CNTNAP4: variants seen among roughly 807,000 people sequenced by gnomAD.
The protein encoded by CNTNAP4 is contactin-associated protein-like 4.
CNTNAP4 carries 98 observed loss-of-function variants against 148.4 expected under a neutral mutation model. That is an observed-to-expected ratio of 0.66 (90% CI 0.56 to 0.78). The LOEUF (loss-of-function observed/expected upper bound fraction) is 0.78, where lower values mean the gene tolerates loss of function less well. Among genes scored for constraint, CNTNAP4 ranks in the 30% least tolerant of loss-of-function variants. CNTNAP4 has a pLI of 0.00. For synonymous variants in CNTNAP4, 730 were observed against 565.1 expected, an observed-to-expected ratio of 1.29 and a Z score of -4.14; for missense variants, 1,935 against 1,565.6, an observed-to-expected ratio of 1.24 and a Z score of -3.98.
intron 3 of CNTNAP4, among the ~76,000 whole-genome samples, chr16:76,360,961 C>T (rs2013356135): frequency 1.3e-5 from 2 of 151,692 alleles, no homozygotes; most frequent in African/African-American, 2.4e-5. Context: ...GAACTACAGG[C>T]GCCTGCCTCC....
At chr16:76,473,742 A>C (rs879602769) in intron 10 of CNTNAP4, among the ~76,000 whole-genome samples, 9 of 152,100 alleles carry the variant, frequency 5.9e-5, no homozygotes, top group East Asian at 1.9e-4. Flanking sequence ...CCACTGCACT[A>C]CAGCCTGGGC....
chr16:76,535,399 T>A, intron 17 of CNTNAP4, 146 bp from the exon 18 acceptor site: 1 of 765,258 alleles, frequency 1.3e-6, no homozygotes, highest in African/African-American at 1.8e-5. Context: ...TTGGAGTCTA[T>A]ATTTGACCAT....
At chr16:76,545,452 T>C (rs1344694449) in intron 21 of CNTNAP4, among the ~76,000 whole-genome samples, 1 of 152,200 alleles carries the variant, frequency 6.6e-6, no homozygotes, top group Non-Finnish European at 1.5e-5. Context: ...GTTGAGATTT[T>C]GTCATAAGCA....
intron 17 of CNTNAP4, among the ~76,000 whole-genome samples, chr16:76,524,045 C>T (rs983737900): frequency 1.3e-5 from 2 of 152,178 alleles, no homozygotes; most frequent in Non-Finnish European, 2.9e-5. Context: ...CTTATTAACC[C>T]TCTCTCACTG....
intron 9 of CNTNAP4, among the ~76,000 whole-genome samples, chr16:76,462,600 A>G (rs1177325608): frequency 1.3e-5 from 2 of 152,206 alleles, no homozygotes; most frequent in African/African-American, 2.4e-5. Flanking sequence ...GATACATTTG[A>G]TGAAATCAGG....
At chr16:76,469,637 G>A (rs1426448707) in intron 10 of CNTNAP4, 1 of 152,196 alleles carries the variant, frequency 6.6e-6, no homozygotes, top group Admixed American at 6.5e-5. Flanking sequence ...ACTCCCGGTT[G>A]CCTACTTTCT....
intron 15 of CNTNAP4, among the ~76,000 whole-genome samples, chr16:76,500,642 G>A (rs75342310): frequency 7.4e-6 from 1 of 134,762 alleles, no homozygotes; most frequent in Non-Finnish European, 1.6e-5. Context: ...GTGTGTGTGT[G>A]TCTGTGTGCA....
Position 76,552,355 on chromosome 16 carries a change from AT to A in CNTNAP4, c.3443-919del, listed in dbSNP as rs199607648. Among the ~76,000 whole-genome samples, 543 of 151,294 alleles carry A rather than the reference AT, an allele frequency of 3.6e-3. 4 individuals are homozygous for A. Among genetic ancestry groups the A allele is most frequent in the African/African-American group, 0.012 (513 of 41,284 alleles). Reference sequence around the variant, plus strand: ...GCCAAACCATATCAATAGTTGTGCTATTTTTTTTTATCACACTGGGTGGATG... The same window carrying A: ...GCCAAACCATATCAATAGTTGTGCTATTTTTTTTATCACACTGGGTGGATG... On this transcript the variant is annotated intron_variant, in intron 21 of 23. Coordinates refer to ENST00000611870, the MANE Select transcript of CNTNAP4 (RefSeq NM_033401.5).
At chr16:76,405,876 A>G (rs939592058) in intron 3 of CNTNAP4, among the ~76,000 whole-genome samples, 9 of 152,220 alleles carry the variant, frequency 5.9e-5, no homozygotes, top group Admixed American at 1.3e-4. Context: ...ATGAAACATA[A>G]TCAATCTCAA....
At chr16:76,500,674 A>T (rs2082603413) in intron 15 of CNTNAP4, among the ~76,000 whole-genome samples, 1 of 151,184 alleles carries the variant, frequency 6.6e-6, no homozygotes, top group Admixed American at 6.6e-5. Context: ...CCAGTGGTGC[A>T]TGCTGTTTTG....
chr16:76,278,677 G>A (rs1958574861), intron 1 of CNTNAP4, among the ~76,000 whole-genome samples: 1 of 152,270 alleles, frequency 6.6e-6, no homozygotes, highest in South Asian at 2.1e-4. Context: ...GGATTTTAAA[G>A]GAAAAGCTCA....
At chr16:76,403,989 A>C (rs1416425824) in intron 3 of CNTNAP4, among the ~76,000 whole-genome samples, 1 of 152,174 alleles carries the variant, frequency 6.6e-6, no homozygotes, top group Non-Finnish European at 1.5e-5. Context: ...TGGAAGCTAA[A>C]TGATGAGAAC....
At position 76,278,852 on chromosome 16, in the gene CNTNAP4, G is replaced by A. The variant is rs1205843375; in HGVS notation, c.85+1105G>A. Among the ~76,000 whole-genome samples the A allele has an allele frequency of 1.1e-4, 16 of 152,214 alleles. No individual in the cohort carries two copies. In the East Asian group the frequency reaches 2.9e-3, roughly 28 times the overall value. ...ATGTGAAAAACATGACAAACTCATG[G>A]GCACAAGTCAAATGTCCCCTCACAG... On this transcript the variant is annotated intron_variant, in intron 1 of 23. Transcript: ENST00000611870.
chr16:76,383,794 G>T (rs999109567), intron 3 of CNTNAP4, among the ~76,000 whole-genome samples: 1 of 152,020 alleles, frequency 6.6e-6, no homozygotes, highest in Non-Finnish European at 1.5e-5. Flanking sequence ...TAAAATAATC[G>T]AGTTGTAAAG....
At chr16:76,437,244 A>G (rs746157452) in intron 4 of CNTNAP4, among the ~76,000 whole-genome samples, 3 of 152,022 alleles carry the variant, frequency 2.0e-5, no homozygotes, top group Non-Finnish European at 4.4e-5. Flanking sequence ...ACCCAGATTA[A>G]GGGTGGGTCT....
chr16:76,372,920 T>G (rs1159603509), intron 3 of CNTNAP4, among the ~76,000 whole-genome samples: 1 of 152,194 alleles, frequency 6.6e-6, no homozygotes, highest in East Asian at 1.9e-4. Flanking sequence ...AGATAGAAAC[T>G]CCATGCTTTG....
At chr16:76,365,723 T>G (rs148246861) in intron 3 of CNTNAP4, among the ~76,000 whole-genome samples, 20,785 of 133,606 alleles carry the variant, frequency 0.16, 2,101 homozygotes, top group East Asian at 0.48. Context: ...CTGCACTCCT[T>G]CCTGGGGGAC....
chr16:76,498,746 A>G (rs2082505475), intron 15 of CNTNAP4, 52 bp downstream of exon 15: 10 of 1,505,680 alleles, frequency 6.6e-6, no homozygotes, highest in Admixed American at 2.2e-5. Context: ...ACCATGACTT[A>G]AAGTACCATC....
intron 1 of CNTNAP4, among the ~76,000 whole-genome samples, chr16:76,283,584 C>T (rs898963813): frequency 7.9e-5 from 12 of 151,950 alleles, no homozygotes; most frequent in Non-Finnish European, 1.2e-4. Context: ...TGCATGTTCT[C>T]ACTTATAAGT....
Sources: gnomAD v4.1 joint callset for allele counts (sites outside exome capture counted in the v4.1 genomes callset) on GRCh38, gnomAD v4.1.1 for gene constraint, MANE v1.5 for transcripts, NCBI Gene and HGNC (gene_info 2026-07-23, HGNC 2026-07-21) for gene names.